The following SAP18 variants were observed in gnomAD, a reference collection of about 807,000 sequenced individuals.
SAP18 encodes Sin3A associated protein 18, also known as histone deacetylase complex subunit SAP18.
Under a neutral mutation model 18.6 loss-of-function variants are expected in SAP18, and 4 were observed. The observed-to-expected ratio is 0.21, with a 90% CI of 0.11 to 0.49. The LOEUF (loss-of-function observed/expected upper bound fraction) is 0.49. Among genes scored for constraint, SAP18 ranks in the 20% least tolerant of loss-of-function variants. The pLI, the probability that SAP18 is intolerant of heterozygous loss-of-function variation, is 0.98. For missense variants in SAP18, 170 were observed against 226.4 expected, an observed-to-expected ratio of 0.75 and a Z score of 1.60; for synonymous variants, 112 against 82.8, an observed-to-expected ratio of 1.35 and a Z score of -1.92.
chr13:21,147,175 C>T lies in SAP18; in HGVS notation c.363-11C>T. 1 of 1,604,754 alleles carries T rather than the reference C, an allele frequency of 6.2e-7. No individual in the cohort carries two copies. The highest frequency in any genetic ancestry group is 8.5e-7 in the Non-Finnish European group (1 of 1,176,752). ...TTTGGATCCATTAACAGTTGATTTTCTTTCTTACAGAGTTAAGGAGATTGG... is the reference window on the plus strand; with the variant it reads ...TTTGGATCCATTAACAGTTGATTTTTTTTCTTACAGAGTTAAGGAGATTGG... On this transcript the variant is annotated splice_polypyrimidine_tract_variant and intron_variant, in intron 3 of 3. Transcript: ENST00000621421.
At chr13:21,148,631 GCTT>G (rs539422314) in exon 4 of SAP18, 117 of 152,226 alleles carry the variant, frequency 7.7e-4, no homozygotes, top group African/African-American at 2.3e-3. Context: ...TAGATCTGGT[GCTT>G]CTTCTGTGCT....
intron 2 of SAP18, among the ~76,000 whole-genome samples, chr13:21,145,089 CAG>C (rs1169478783): frequency 9.7e-5 from 12 of 124,190 alleles, no homozygotes; most frequent in African/African-American, 3.7e-4. Context: ...TTTTTTGAGA[CAG>C]AGTCTTGCTC....
chr13:21,148,859 A>G (rs539763985), exon 4 of SAP18: 33 of 152,340 alleles, frequency 2.2e-4, no homozygotes, highest in Admixed American at 2.0e-3. Context: ...TGCTTTGTCA[A>G]ATTCCACCCT....
intron 2 of SAP18, among the ~76,000 whole-genome samples, chr13:21,142,155 C>T (rs1216762767): frequency 2.0e-5 from 3 of 148,432 alleles, no homozygotes; most frequent in South Asian, 2.2e-4. Context: ...GGTGTGGTGG[C>T]GCAGAATTGT....
At chr13:21,145,162 G>C (rs1483911625) in intron 2 of SAP18, among the ~76,000 whole-genome samples, 1 of 150,710 alleles carries the variant, frequency 6.6e-6, no homozygotes, top group African/African-American at 2.4e-5. Context: ...TGCCTCCCAG[G>C]TATAAGCGAT....
intron 2 of SAP18, among the ~76,000 whole-genome samples, chr13:21,142,439 G>T (rs957867812): frequency 6.6e-6 from 1 of 151,610 alleles, no homozygotes; most frequent in African/African-American, 2.4e-5. Context: ...CGATTCTCAC[G>T]CCTCAGCCTC....
At chr13:21,145,621 T>A (rs1318655660) in intron 2 of SAP18, among the ~76,000 whole-genome samples, 1 of 152,180 alleles carries the variant, frequency 6.6e-6, no homozygotes, top group Non-Finnish European at 1.5e-5. Flanking sequence ...TTCTCTTGTC[T>A]CAGCCTCTCG....
chr13:21,140,541 G>C (rs772931538), exon 1 of SAP18: 3 of 1,576,656 alleles, frequency 1.9e-6, no homozygotes, highest in Non-Finnish European at 2.6e-6. Context: ...CCTCGCGAGA[G>C]ACTTAGTGCT....
At chr13:21,140,259 C>A (rs924868100), upstream of SAP18, among the ~76,000 whole-genome samples, 1 of 152,162 alleles carries the variant, frequency 6.6e-6, no homozygotes, top group Non-Finnish European at 1.5e-5. Flanking sequence ...AATAAAGGAA[C>A]GCTTTGTGTC....
chr13:21,146,891 C>T, exon 3 of SAP18: 1 of 1,613,076 alleles, frequency 6.2e-7, no homozygotes, highest in Non-Finnish European at 8.5e-7. Context: ...TTCAATTTTG[C>T]AATCGTTTTT....
At chr13:21,147,535 A>C (rs754651769) in exon 4 of SAP18, 7 of 579,294 alleles carry the variant, frequency 1.2e-5, no homozygotes, top group African/African-American at 1.9e-5. Flanking sequence ...GCCCTTCTGT[A>C]AAATATGAAG....
chr13:21,141,006 C>T lies in SAP18; in HGVS notation c.239+11C>T, dbSNP rs1345059120. ...GCAGATCTACACTTGGTGAGGAGGG[C>T]GGGGTGGCCTCAGGGACCCGGGCCG... is the stretch of plus-strand genomic sequence containing the variant. On this transcript the variant is annotated intron_variant, in intron 2 of 3. Transcript: ENST00000621421. 4 of 1,582,064 alleles carry T rather than the reference C, an allele frequency of 2.5e-6. No individual in the cohort carries two copies. The highest frequency in any genetic ancestry group is 2.2e-5 in the South Asian group (2 of 90,502).
chr13:21,140,892 C>T, exon 2 of SAP18: 1 of 1,613,364 alleles, frequency 6.2e-7, no homozygotes, highest in Non-Finnish European at 8.5e-7. Context: ...TCAGACATGC[C>T]CACTGTTGCT....
At chr13:21,147,044 AC>A in intron 3 of SAP18, 117 bp downstream of exon 3, 1 of 1,414,312 alleles carries the variant, frequency 7.1e-7, no homozygotes, top group Non-Finnish European at 9.6e-7. Flanking sequence ...TTATATTAAT[AC>A]GTGGTTTGGC....
chr13:21,140,272 A>G (rs536098073), upstream of SAP18, among the ~76,000 whole-genome samples: 6 of 152,328 alleles, frequency 3.9e-5, no homozygotes, highest in South Asian at 1.0e-3. Context: ...TTTGTGTCCA[A>G]TAAGGTTTTC....
In SAP18 at chr13:21,140,786, G is replaced by A. The variant is rs1458765137; in HGVS notation, c.130-100G>A. 39 of 1,585,020 alleles carry A rather than the reference G, an allele frequency of 2.5e-5. 1 individual carries two copies. Among genetic ancestry groups the A allele is most frequent in the Non-Finnish European group, 3.2e-5 (37 of 1,156,022 alleles). On this transcript the variant is annotated intron_variant, in intron 1 of 3. Transcript: ENST00000621421. ...TGGAGGAGATGGTGTTTTTGGTCTC[G>A]GGGAGGCTCGGAGGCCGCAACGCCT... is the stretch of plus-strand genomic sequence containing the variant.
chr13:21,145,808 C>T (rs941384844), intron 2 of SAP18, among the ~76,000 whole-genome samples: 24 of 152,126 alleles, frequency 1.6e-4, no homozygotes, highest in East Asian at 9.7e-4. Flanking sequence ...CATGAGCCTC[C>T]GCACCTGGCA....
intron 2 of SAP18, among the ~76,000 whole-genome samples, chr13:21,144,265 C>T (rs112186041): frequency 9.9e-5 from 15 of 152,008 alleles, no homozygotes; most frequent in African/African-American, 3.4e-4. Context: ...ATTAGCCAGG[C>T]ATGGTGGCGG....
intron 3 of SAP18, 116 bp downstream of exon 3, chr13:21,147,043 T>C: frequency 7.1e-7 from 1 of 1,416,610 alleles, no homozygotes; most frequent in Non-Finnish European, 9.6e-7. Flanking sequence ...TTTATATTAA[T>C]ACGTGGTTTG....
Sources: gnomAD v4.1 joint callset for allele counts (sites outside exome capture counted in the v4.1 genomes callset) on GRCh38, gnomAD v4.1.1 for gene constraint, MANE v1.5 for transcripts, NCBI Gene and HGNC (gene_info 2026-07-23, HGNC 2026-07-21) for gene names.